ASS1: variants seen among roughly 807,000 people sequenced by gnomAD.
ASS1 encodes the protein argininosuccinate synthase.
ASS1 carries 58 observed loss-of-function variants against 60.5 expected under a neutral mutation model. That is an observed-to-expected ratio of 0.96 (90% confidence interval 0.78 to 1.19). ASS1 has a LOEUF of 1.19. Among genes scored for constraint, ASS1 ranks in the 50% most tolerant of loss-of-function variants. ASS1 has a pLI of 0.00. For missense variants in ASS1, 454 were observed against 547.3 expected, an observed-to-expected ratio of 0.83 and a Z score of 1.70; for synonymous variants, 200 against 206.9, an observed-to-expected ratio of 0.97 and a Z score of 0.29.
chr9:130,451,782 C>T (rs1181299440), intron 1 of ASS1: 3 of 453,972 alleles, frequency 6.6e-6, no homozygotes, highest in Non-Finnish European at 1.3e-5. Context: ...GCTCCCAGGG[C>T]CCTGCCTGGT....
intron 1 of ASS1, among the ~76,000 whole-genome samples, chr9:130,448,462 G>T (rs1047766060): frequency 1.4e-5 from 2 of 147,624 alleles, no homozygotes; most frequent in African/African-American, 2.6e-5. Context: ...AGGTACACAC[G>T]CCAGGTCCAT....
At chr9:130,481,616 A>G (rs1050668519) in intron 11 of ASS1, among the ~76,000 whole-genome samples, 2 of 152,132 alleles carry the variant, frequency 1.3e-5, no homozygotes, top group African/African-American at 4.8e-5. Flanking sequence ...ACAACCTTGG[A>G]CTTGTCATCT....
intron 8 of ASS1, among the ~76,000 whole-genome samples, chr9:130,474,591 A>G (rs1845970409): frequency 6.6e-6 from 1 of 152,168 alleles, no homozygotes; most frequent in Non-Finnish European, 1.5e-5. Flanking sequence ...GGTCACCCCA[A>G]GATCCAGTCC....
intron 6 of ASS1, among the ~76,000 whole-genome samples, chr9:130,469,812 A>G (rs1210187699): frequency 1.3e-5 from 2 of 152,176 alleles, no homozygotes; most frequent in African/African-American, 4.8e-5. Context: ...CTTGGGAATG[A>G]GCCTGAGTGG....
chr9:130,484,398 T>TC, intron 11 of ASS1, among the ~76,000 whole-genome samples: 1 of 151,406 alleles, frequency 6.6e-6, no homozygotes, highest in East Asian at 2.0e-4. Flanking sequence ...TGGTCCACTC[T>TC]CCCCCCAGCC....
At chr9:130,467,188 G>C (rs1360498217) in intron 6 of ASS1, among the ~76,000 whole-genome samples, 1 of 152,102 alleles carries the variant, frequency 6.6e-6, no homozygotes, top group Non-Finnish European at 1.5e-5. Flanking sequence ...CGGCCGGGGG[G>C]ATGTGATCGG....
intron 1 of ASS1, among the ~76,000 whole-genome samples, chr9:130,450,725 G>A (rs2131865864): frequency 6.6e-6 from 1 of 152,274 alleles, no homozygotes; most frequent in East Asian, 1.9e-4. Context: ...GCCTGGGAAA[G>A]GCACTTCCTC....
intron 12 of ASS1, among the ~76,000 whole-genome samples, chr9:130,493,098 G>A (rs966953664): frequency 3.3e-5 from 5 of 152,066 alleles, no homozygotes; most frequent in Non-Finnish European, 7.4e-5. Context: ...AGGACACCAG[G>A]GCATGGGGGG....
At position 130,489,921 on chromosome 9, in the gene ASS1, G is replaced by A. The variant is rs1846408978; in HGVS notation, c.970+457G>A. Among the ~76,000 whole-genome samples the A allele has an allele frequency of 6.6e-6, 1 of 152,242 alleles. No individual in the cohort carries two copies. Among genetic ancestry groups the A allele is most frequent in the East Asian group, 1.9e-4 (1 of 5,200 alleles). ...TAGCTGGGTTTGACCCCCAAGTCAG[G>A]CTGTCTCCAGGAAGAACCTGGACCT... On this transcript the variant is annotated intron_variant, in intron 12 of 14. Coordinates refer to ENST00000352480, the MANE Select transcript of ASS1 (RefSeq NM_054012.4). The surrounding 1 kb of genome is among the most constrained non-coding windows in gnomAD (Gnocchi z 4.1).
rs941750924 is a variant in ASS1, at chr9:130,459,826, T to A, written c.363+1237T>A. Among the ~76,000 whole-genome samples the A allele has an allele frequency of 6.6e-6, 1 of 152,150 alleles. No homozygotes were observed. Among genetic ancestry groups the A allele is most frequent in the Non-Finnish European group, 1.5e-5 (1 of 68,014 alleles). ...ACCCATTATTTTGTGGAAACACAAA[T>A]CAACCCATCCCGTACCCCTTCCCTC... is the stretch of plus-strand genomic sequence containing the variant. On this transcript the variant is annotated intron_variant, in intron 4 of 14. Transcript: ENST00000352480. The surrounding 1 kb of genome is among the most constrained non-coding windows in gnomAD (Gnocchi z 4.6).
intron 11 of ASS1, among the ~76,000 whole-genome samples, chr9:130,481,414 G>A (rs779534552): frequency 5.9e-5 from 9 of 152,176 alleles, no homozygotes; most frequent in Non-Finnish European, 1.0e-4. Flanking sequence ...GCTTAGGGTT[G>A]ATTTGAAAAG....
chr9:130,463,969 G>A (rs1330659390), intron 4 of ASS1, 142 bp from the exon 5 acceptor site: 11 of 845,954 alleles, frequency 1.3e-5, no homozygotes, highest in South Asian at 2.9e-5. Context: ...ACACATACAC[G>A]ACCTACACTG....
At chr9:130,495,367 G>A (rs1489485569) in intron 13 of ASS1, among the ~76,000 whole-genome samples, 1 of 151,780 alleles carries the variant, frequency 6.6e-6, no homozygotes, top group Admixed American at 6.6e-5. Flanking sequence ...AAGATTGCTT[G>A]AGCCCAGGAG....
intron 11 of ASS1, among the ~76,000 whole-genome samples, chr9:130,483,313 C>T (rs1011601808): frequency 5.7e-5 from 7 of 123,310 alleles, no homozygotes; most frequent in Non-Finnish European, 9.4e-5. Context: ...TTACAAAGCT[C>T]GTAATTGAAA....
intron 1 of ASS1, among the ~76,000 whole-genome samples, chr9:130,449,749 G>A (rs1293204687): frequency 1.3e-5 from 2 of 152,158 alleles, no homozygotes; most frequent in African/African-American, 4.8e-5. Context: ...CAGATGGAAG[G>A]GCTTAGCCTA....
chr9:130,476,731 G>A lies in ASS1; in HGVS notation c.598-140G>A. The A allele has an allele frequency of 1.2e-6, 1 of 826,170 alleles. No homozygotes were observed. Among genetic ancestry groups the A allele is most frequent in the Admixed American group, 1.8e-5 (1 of 56,210 alleles). 51.2% of individuals were successfully genotyped at this position (826,170 alleles called of 1,614,324 possible). A position where few individuals can be genotyped will look rare whatever the true frequency, so the allele number is the denominator to read the frequency against. On this transcript the variant is annotated intron_variant, in intron 8 of 14. Transcript: ENST00000352480. This position sits in a 1 kb window ranked among gnomAD's most constrained non-coding sequence, Gnocchi z 4.9. ...GAGGCTGGTGCTAGGCTGAGGGCTG[G>A]GGACCGGGGGATCTGCCGGACCCCA...
intron 13 of ASS1, among the ~76,000 whole-genome samples, chr9:130,495,832 G>A (rs1482344806): frequency 6.6e-6 from 1 of 152,284 alleles, no homozygotes; most frequent in South Asian, 2.1e-4. Context: ...TGACTTGGAT[G>A]TGGAGGGAGA....
At chr9:130,461,451 G>A (rs1342709666) in intron 4 of ASS1, among the ~76,000 whole-genome samples, 1 of 137,434 alleles carries the variant, frequency 7.3e-6, no homozygotes, top group Non-Finnish European at 1.6e-5. Flanking sequence ...CCTGCAGGGC[G>A]TGGTTCTGAG....
At chr9:130,457,281 G>A (rs892230824) in intron 3 of ASS1, among the ~76,000 whole-genome samples, 1 of 151,966 alleles carries the variant, frequency 6.6e-6, no homozygotes, top group African/African-American at 2.4e-5. Flanking sequence ...AAGAAAACTG[G>A]GCAACACAGT....
Sources: gnomAD v4.1 joint callset for allele counts (sites outside exome capture counted in the v4.1 genomes callset) on GRCh38, gnomAD v4.1.1 for gene constraint, Gnocchi (gnomAD v3.1) non-coding constraint, MANE v1.5 for transcripts, NCBI Gene and HGNC (gene_info 2026-07-23, HGNC 2026-07-21) for gene names.